Variants in TK1 observed in about 807,000 individuals in gnomAD.
The protein encoded by TK1 is thymidine kinase, cytosolic.
Under a neutral mutation model 22.4 loss-of-function variants are expected in TK1, and 13 were observed. That is an observed-to-expected ratio of 0.58 (90% confidence interval 0.38 to 0.92). The LOEUF is 0.92. Ranked by LOEUF, TK1 falls within the 40% of genes least tolerant of loss-of-function variation. The probability of loss-of-function intolerance (pLI) is 0.00; values close to 1 mark genes in which losing one functional copy is unlikely to be tolerated. For synonymous variants in TK1, 134 were observed against 125.4 expected (o/e 1.07, Z -0.46); for missense variants, 251 against 315.7 (o/e 0.80, Z 1.55).
Position 78,177,776 on chromosome 17 carries a change from G to A in TK1, c.304-2158C>T, listed in dbSNP as rs553863385. Among the ~76,000 whole-genome samples the A allele has an allele frequency of 2.7e-3, 407 of 151,944 alleles. 3 individuals carry two copies. The highest frequency in any genetic ancestry group is 7.9e-3 in the African/African-American group (327 of 41,440). On this transcript the variant is annotated intron_variant, in intron 4 of 6. Transcript: ENST00000301634. The stretch of plus-strand genomic sequence containing the variant: ...TTTTCAGTAGAGACGGGGTTTCACC[G>A]TGTTAGCCAGGATGGTCTCGATCTC...
intron 6 of TK1, 37 bp downstream of exon 6, chr17:78,175,013 C>T (rs776461283): frequency 3.7e-6 from 6 of 1,610,926 alleles, no homozygotes; most frequent in Admixed American, 1.7e-5. Context: ...GCCATACCCC[C>T]ACCCCGCCGG....
At chr17:78,182,428 G>A (rs1259344684) in intron 4 of TK1, among the ~76,000 whole-genome samples, 161 bp downstream of exon 4, 1 of 151,644 alleles carries the variant, frequency 6.6e-6, no homozygotes, top group African/African-American at 2.4e-5. Flanking sequence ...CTATGACAGG[G>A]AAACTAGAAA....
At chr17:78,187,133 C>T, upstream of TK1, 1 of 1,033,732 alleles carries the variant, frequency 9.7e-7, no homozygotes, top group Non-Finnish European at 1.5e-6. Flanking sequence ...GGCCAATCAG[C>T]GCCCGGCCGC....
intron 4 of TK1, 38 bp downstream of exon 4, chr17:78,182,551 G>A (rs2075745017): frequency 2.0e-6 from 3 of 1,485,728 alleles, no homozygotes; most frequent in Non-Finnish European, 2.7e-6. Flanking sequence ...CAGAGCGGAA[G>A]CTGGCAGGAA....
At chr17:78,187,060 C>G, upstream of TK1, 1 of 1,518,798 alleles carries the variant, frequency 6.6e-7, no homozygotes. Flanking sequence ...GCCCCTGGTT[C>G]CCGCGCCGAC....
chr17:78,186,919 G>GC lies in TK1; in HGVS notation c.66+9dup. The GC allele has an allele frequency of 6.4e-7, 1 of 1,567,122 alleles. No individual in the cohort carries two copies. Among genetic ancestry groups the GC allele is most frequent in the Non-Finnish European group, 8.6e-7 (1 of 1,156,370 alleles). ...TCATCCCCAGCCACGCGCAGGGCTG[G>GC]CCCCCGCACCTGGATCTGCCCCCGG... On this transcript the variant is annotated intron_variant, in intron 1 of 6. Transcript: ENST00000301634.
intron 4 of TK1, among the ~76,000 whole-genome samples, chr17:78,178,118 G>A (rs1052422597): frequency 6.6e-6 from 1 of 152,100 alleles, no homozygotes; most frequent in Admixed American, 6.5e-5. Context: ...TGATCCGCCC[G>A]CCTAGGCCTT....
At position 78,186,960 on chromosome 17, in the gene TK1, C is replaced by T. The variant is rs779015029; in HGVS notation, c.35G>A (p.Gly12Asp). 2 of 1,575,786 alleles carry T rather than the reference C, an allele frequency of 1.3e-6. No homozygotes were observed. The highest frequency in any genetic ancestry group is 1.2e-5 in the South Asian group (1 of 86,210). Residue 12 changes from glycine (G) to aspartate (D), a missense_variant, in exon 1 of 7, where the codon GGC (glycine) becomes GAC (aspartate). Coordinates refer to ENST00000301634, the MANE Select transcript of TK1 (RefSeq NM_003258.5). ...SCINLPTVLP[G>D]SPSKTRGQIQ... ...CTGCCCCCGGGTCTTGCTGGGGGAG[C>T]CAGGCAGCACAGTGGGCAGGTTAAT...
intron 4 of TK1, among the ~76,000 whole-genome samples, chr17:78,178,545 TGAA>T (rs955349032): frequency 1.3e-4 from 20 of 152,330 alleles, no homozygotes; most frequent in African/African-American, 4.8e-4. Flanking sequence ...ACGTAGACAA[TGAA>T]GGAGCGAAGG....
At chr17:78,176,710 C>A (rs2075702589) in intron 4 of TK1, among the ~76,000 whole-genome samples, 1 of 152,196 alleles carries the variant, frequency 6.6e-6, no homozygotes, top group African/African-American at 2.4e-5. Flanking sequence ...CGGCACACCA[C>A]CTGCGCCAGG....
chr17:78,175,790 C>A (rs141830768), intron 4 of TK1, among the ~76,000 whole-genome samples, 172 bp from the exon 5 acceptor site: 2 of 152,154 alleles, frequency 1.3e-5, no homozygotes, highest in Non-Finnish European at 2.9e-5. Context: ...CCCGCACGCC[C>A]CCCAGCAGAC....
At chr17:78,186,675 G>GAGGGAAGGGA (rs1279467418) in intron 2 of TK1, 112 bp downstream of exon 2, 1 of 885,932 alleles carries the variant, frequency 1.1e-6, no homozygotes, top group African/African-American at 3.2e-5. Context: ...AAGGGAAGGG[G>GAGGGAAGGGA]AGGGAAGGGA....
rs2075771107 is a variant in TK1 at position 78,185,037 on chromosome 17, C to T, written c.209+18G>A. On this transcript the variant is annotated intron_variant, in intron 3 of 6. Coordinates refer to ENST00000301634, the MANE Select transcript of TK1 (RefSeq NM_003258.5). ...TGTGATTTTCCACTGGACAGGACTGCAGGGGGCAGGGACTGACCGGTCATG... is the reference window on the plus strand; with the variant it reads ...TGTGATTTTCCACTGGACAGGACTGTAGGGGGCAGGGACTGACCGGTCATG... The T allele has an allele frequency of 6.2e-7, 1 of 1,605,070 alleles. No homozygotes were observed. The highest frequency in any genetic ancestry group is 1.7e-5 in the Admixed American group (1 of 59,762).
At chr17:78,185,721 G>T (rs1441945268) in intron 2 of TK1, among the ~76,000 whole-genome samples, 2 of 151,940 alleles carry the variant, frequency 1.3e-5, no homozygotes, top group Non-Finnish European at 2.9e-5. Context: ...GTAGAGATGG[G>T]GTTTTACCAC....
At chr17:78,176,502 G>A (rs1426218547) in intron 4 of TK1, among the ~76,000 whole-genome samples, 3 of 152,040 alleles carry the variant, frequency 2.0e-5, no homozygotes, top group Non-Finnish European at 4.4e-5. Context: ...GGGGTGGCTC[G>A]AAAAATTCCA....
chr17:78,179,007 T>C lies in TK1; in HGVS notation c.304-3389A>G, dbSNP rs762541. Among the ~76,000 whole-genome samples, 1,125 of 152,164 alleles carry C rather than the reference T, an allele frequency of 7.4e-3. 17 individuals carry two copies. Among genetic ancestry groups the C allele is most frequent in the African/African-American group, 0.024 (985 of 41,500 alleles). ...GAAGTAGACCGAGAAATCCCTCCTA[T>C]AGGCTGAACAGGGGACAGGACTTCA... is the stretch of plus-strand genomic sequence containing the variant. On this transcript the variant is annotated intron_variant, in intron 4 of 6. Transcript: ENST00000301634.
At chr17:78,177,331 T>G (rs755663168) in intron 4 of TK1, among the ~76,000 whole-genome samples, 1 of 152,242 alleles carries the variant, frequency 6.6e-6, no homozygotes, top group Admixed American at 6.5e-5. Flanking sequence ...AGTCAAAAAC[T>G]GTGGCTCACG....
intron 4 of TK1, among the ~76,000 whole-genome samples, chr17:78,176,724 G>A (rs923843914): frequency 1.3e-5 from 2 of 152,154 alleles, no homozygotes; most frequent in Non-Finnish European, 2.9e-5. Context: ...CGCCAGGGGC[G>A]CGCCCCCTGG....
In TK1 at chr17:78,182,743, G is replaced by A. The variant is rs989549704; in HGVS notation, c.210-61C>T. ...GGAGGCCAGAAGCCACAATGCAGGG[G>A]CCAGGGAATGGCACTGTCGTGACCA... On this transcript the variant is annotated intron_variant, in intron 3 of 6. Coordinates refer to ENST00000301634, the MANE Select transcript of TK1 (RefSeq NM_003258.5). The A allele has an allele frequency of 1.2e-5, 16 of 1,318,256 alleles. No homozygotes were observed. The African/African-American group carries it at 2.2e-4, about 19-fold the overall frequency. 81.7% of individuals were successfully genotyped at this position (1,318,256 alleles called of 1,614,324 possible).
Sources: gnomAD v4.1 joint callset for allele counts (sites outside exome capture counted in the v4.1 genomes callset) on GRCh38, gnomAD v4.1.1 for gene constraint, MANE v1.5 for transcripts, NCBI Gene and HGNC (gene_info 2026-07-23, HGNC 2026-07-21) for gene names.